Variants in NUP214 observed in about 807,000 individuals in gnomAD.
NUP214 encodes nucleoporin 214.
A neutral mutation model predicts 196.2 loss-of-function variants in NUP214; 79 were observed. The observed-to-expected ratio is 0.40, with a 90% CI of 0.34 to 0.49. The LOEUF (loss-of-function observed/expected upper bound fraction) is 0.49, where lower values mean the gene tolerates loss of function less well. Ranked by LOEUF, NUP214 falls within the 20% of genes least tolerant of loss-of-function variation. The pLI is 0.58. For missense variants in NUP214, 2,468 were observed against 2,539.0 expected (o/e 0.97, Z 0.60); for synonymous variants, 1,020 against 990.5 (o/e 1.03, Z -0.56).
At chr9:131,208,698 G>GAACAA (rs756103584) in intron 30 of NUP214, among the ~76,000 whole-genome samples, 193 of 137,756 alleles carry the variant, frequency 1.4e-3, no homozygotes, top group Middle Eastern at 4.8e-3. Context: ...CTCCGTCTCA[G>GAACAA]AACAAAACAA....
intron 8 of NUP214, chr9:131,135,261 T>C (rs1831687305): frequency 7.5e-6 from 3 of 401,194 alleles, no homozygotes; most frequent in East Asian, 7.7e-5. Flanking sequence ...TATTTTTAAA[T>C]AAGTTTTTTG....
At chr9:131,224,165 T>TA (rs1200980452) in intron 32 of NUP214, among the ~76,000 whole-genome samples, 2 of 152,244 alleles carry the variant, frequency 1.3e-5, no homozygotes, top group African/African-American at 4.8e-5. Context: ...GACTACTTTT[T>TA]ATCCCAGCAT....
At chr9:131,150,973 C>T (rs192458472) in intron 16 of NUP214, among the ~76,000 whole-genome samples, 4 of 152,196 alleles carry the variant, frequency 2.6e-5, no homozygotes, top group Admixed American at 2.6e-4. Flanking sequence ...AAGTTAACCT[C>T]GTTACTCTAT....
At chr9:131,151,713 A>G (rs1832272581) in intron 16 of NUP214, 23 bp from the exon 17 acceptor site, 4 of 1,586,310 alleles carry the variant, frequency 2.5e-6, no homozygotes, top group East Asian at 4.5e-5. Flanking sequence ...TTTTGTACCA[A>G]CACATTATTG....
Position 131,150,643 on chromosome 9 carries a change from G to C in NUP214, c.2155G>C (p.Glu719Gln), listed in dbSNP as rs748831218. 13 of 1,613,474 alleles carry C rather than the reference G, an allele frequency of 8.1e-6. No individual in the cohort carries two copies. Among genetic ancestry groups the C allele is most frequent in the Non-Finnish European group, 8.5e-7 (1 of 1,179,874 alleles). ...TGCACACTTTCAGAAGGAGTTGGAA[G>C]AGTTAAAAGCCCGAACTTCCAAAGC... is the stretch of plus-strand genomic sequence containing the variant. The part of the protein sequence containing the change: ...EIAHFQKELE[E>Q]LKARTSKACF... The change falls in exon 16 of 36, where the codon GAG (glutamate) becomes CAG (glutamine). Residue 719 changes from glutamate (E) to glutamine (Q), a missense_variant. Transcript: ENST00000359428.
intron 1 of NUP214, among the ~76,000 whole-genome samples, chr9:131,126,829 C>T (rs751448140): frequency 1.3e-5 from 2 of 152,064 alleles, no homozygotes; most frequent in African/African-American, 2.4e-5. Flanking sequence ...GGATTATAGG[C>T]GTGAGCTACC....
chr9:131,159,871 A>AAG (rs201160630), intron 18 of NUP214, among the ~76,000 whole-genome samples: 12 of 151,838 alleles, frequency 7.9e-5, no homozygotes, highest in African/African-American at 2.9e-4. Context: ...AAAAAAAAAA[A>AAG]CAAGAAAGAG....
intron 5 of NUP214, among the ~76,000 whole-genome samples, chr9:131,132,380 T>C (rs1025778237): frequency 1.3e-5 from 2 of 152,076 alleles, no homozygotes; most frequent in Non-Finnish European, 2.9e-5. Flanking sequence ...TCCCAAAGTG[T>C]TGAGATTACA....
At chr9:131,149,326 G>A (rs893398298) in intron 14 of NUP214, among the ~76,000 whole-genome samples, 5 of 151,666 alleles carry the variant, frequency 3.3e-5, no homozygotes, top group African/African-American at 7.3e-5. Flanking sequence ...AGTCTAAAGG[G>A]CATTTCAAAT....
intron 24 of NUP214, 38 bp from the exon 25 acceptor site, chr9:131,187,251 A>G (rs1440645379): frequency 1.3e-6 from 2 of 1,566,256 alleles, no homozygotes; most frequent in East Asian, 2.2e-5. Context: ...TTACCTAGTC[A>G]TGCCTTTCTC....
intron 3 of NUP214, 32 bp downstream of exon 3, chr9:131,128,515 G>A (rs750072766): frequency 1.9e-6 from 3 of 1,565,218 alleles, no homozygotes; most frequent in Admixed American, 3.6e-5. Flanking sequence ...ATGTCAACAT[G>A]AGAACCCTAA....
Position 131,197,712 on chromosome 9 carries a change from C to G in NUP214, c.4218C>G (p.Ser1406=). The change falls in exon 29 of 36, where the codon TCC becomes TCG. Residue 1406 remains serine, a synonymous_variant. Coordinates refer to ENST00000359428, the MANE Select transcript of NUP214 (RefSeq NM_005085.4). The part of the protein sequence containing the change: ...SVAPPAATST[S]STAVFGSLPV... ...CACCACCAGCAGCCACCAGCACTTC[C>G]TCAACTGCCGTTTTTGGCAGTCTGC... is the stretch of plus-strand genomic sequence containing the variant. 1 of 1,614,226 alleles carries G rather than the reference C, an allele frequency of 6.2e-7. No individual in the cohort carries two copies. Among genetic ancestry groups the G allele is most frequent in the Non-Finnish European group, 8.5e-7 (1 of 1,180,040 alleles).
intron 18 of NUP214, among the ~76,000 whole-genome samples, chr9:131,159,858 CAA>C (rs979999962): frequency 1.6e-5 from 2 of 122,764 alleles, no homozygotes; most frequent in Admixed American, 8.4e-5. Flanking sequence ...ATTCCCATCT[CAA>C]AAAAAAAAAA....
intron 10 of NUP214, among the ~76,000 whole-genome samples, chr9:131,140,188 G>A (rs946869378): frequency 6.6e-6 from 1 of 152,156 alleles, no homozygotes; most frequent in Non-Finnish European, 1.5e-5. Flanking sequence ...ACTAACCTAA[G>A]TACTTCTTAG....
intron 14 of NUP214, 119 bp downstream of exon 14, chr9:131,147,703 T>A (rs1260043283): frequency 6.8e-6 from 5 of 740,630 alleles, no homozygotes; most frequent in Non-Finnish European, 1.1e-5. Flanking sequence ...TAATTGGGAC[T>A]ATGTGATAGT....
chr9:131,167,241 A>C (rs1001442373), intron 21 of NUP214: 2 of 152,180 alleles, frequency 1.3e-5, no homozygotes, highest in Admixed American at 6.5e-5. Context: ...ATACCACATA[A>C]ATCCATTCAC....
chr9:131,135,555 G>A (rs1302682613), intron 8 of NUP214, among the ~76,000 whole-genome samples: 2 of 152,170 alleles, frequency 1.3e-5, no homozygotes, highest in Admixed American at 1.3e-4. Flanking sequence ...CGAAAATATT[G>A]ATATTCAAGG....
intron 17 of NUP214, among the ~76,000 whole-genome samples, chr9:131,158,306 T>C (rs1290298136): frequency 6.6e-6 from 1 of 151,888 alleles, no homozygotes. Flanking sequence ...CTGGAAGTCC[T>C]GGCCTCAGGT....
chr9:131,146,068 T>C lies in NUP214; in HGVS notation c.1770-61T>C, dbSNP rs1832079022. ...AGTTATCTTTTGATGACATTGCTCA[T>C]GCTAGTGTAAAAGAATCTTCTAGCA... On this transcript the variant is annotated intron_variant, in intron 12 of 35. Transcript: ENST00000359428. The surrounding 1 kb of genome is among the most constrained non-coding windows in gnomAD (Gnocchi z 4.6). The C allele has an allele frequency of 1.4e-6, 2 of 1,437,930 alleles. No homozygotes were observed. The highest frequency in any genetic ancestry group is 2.0e-6 in the Non-Finnish European group (2 of 1,024,404). 89.1% of individuals were successfully genotyped at this position (1,437,930 alleles called of 1,614,324 possible). A position where few individuals can be genotyped will look rare whatever the true frequency, so the allele number is the denominator to read the frequency against.
Sources: gnomAD v4.1 joint callset for allele counts (sites outside exome capture counted in the v4.1 genomes callset) on GRCh38, gnomAD v4.1.1 for gene constraint, Gnocchi (gnomAD v3.1) non-coding constraint, MANE v1.5 for transcripts, NCBI Gene and HGNC (gene_info 2026-07-23, HGNC 2026-07-21) for gene names.